Variants in ACTN2 observed in about 807,000 individuals in gnomAD.
ACTN2 encodes the protein actinin alpha 2.
ACTN2 carries 39 observed loss-of-function variants against 113.8 expected under a neutral mutation model. The observed-to-expected ratio is 0.34, with a 90% CI of 0.27 to 0.45. ACTN2 has a LOEUF of 0.45. ACTN2 is among the 20% of genes least tolerant of loss of function. The probability of loss-of-function intolerance (pLI) is 1.00; values close to 1 mark genes in which losing one functional copy is unlikely to be tolerated. For synonymous variants in ACTN2, 429 were observed against 444.1 expected (o/e 0.97, Z 0.43); for missense variants, 992 against 1,177.9 (o/e 0.84, Z 2.31).
chr1:236,743,859 G>A (rs949584397), intron 11 of ACTN2, among the ~76,000 whole-genome samples: 51 of 152,142 alleles, frequency 3.4e-4, no homozygotes, highest in South Asian at 1.4e-3. Context: ...CTTCGAAATG[G>A]GAATCACCGT....
chr1:236,689,300 GATATATATATATAT>G (rs57239117), intron 1 of ACTN2, among the ~76,000 whole-genome samples: 1,301 of 122,580 alleles, frequency 0.011, 18 homozygotes, highest in African/African-American at 0.034. Context: ...TTACAGATGT[GATATATATATATAT>G]ATATATATAT....
At chr1:236,741,981 C>G (rs1250782966) in intron 10 of ACTN2, among the ~76,000 whole-genome samples, 1 of 152,176 alleles carries the variant, frequency 6.6e-6, no homozygotes, top group African/African-American at 2.4e-5. Flanking sequence ...GCCGTCCTTC[C>G]CGCACGCACA....
At chr1:236,725,785 G>C (rs1240387150) in intron 4 of ACTN2, 148 bp from the exon 5 acceptor site, 16 of 759,306 alleles carry the variant, frequency 2.1e-5, no homozygotes, top group Non-Finnish European at 3.9e-5. Context: ...CCAAGATCAG[G>C]GTTCTGGCTC....
intron 1 of ACTN2, among the ~76,000 whole-genome samples, chr1:236,695,571 C>CCCCCA: frequency 8.2e-6 from 1 of 122,204 alleles, no homozygotes. Context: ...GTTCCCCCCC[C>CCCCCA]CTGCCCAGAT....
chr1:236,720,336 T>C, intron 4 of ACTN2, 145 bp downstream of exon 4: 1 of 713,534 alleles, frequency 1.4e-6, no homozygotes, highest in Non-Finnish European at 2.5e-6. Flanking sequence ...ATTTTGTATG[T>C]GTATAGGAAA....
intron 4 of ACTN2, among the ~76,000 whole-genome samples, chr1:236,721,709 A>T (rs566559389): frequency 7.7e-4 from 117 of 152,346 alleles, no homozygotes; most frequent in African/African-American, 2.7e-3. Flanking sequence ...CTAAATTTAA[A>T]TATTTAAACT....
chr1:236,752,672 C>T (rs1659434259), intron 15 of ACTN2, among the ~76,000 whole-genome samples: 1 of 152,098 alleles, frequency 6.6e-6, no homozygotes, highest in Admixed American at 6.5e-5. Context: ...CTGTCTCAGC[C>T]TCCCTAATAG....
chr1:236,762,566 G>A lies in ACTN2; in HGVS notation c.2632G>A (p.Ala878Thr), dbSNP rs1270659015. The A allele has an allele frequency of 1.2e-6, 2 of 1,614,054 alleles. No individual in the cohort carries two copies. The highest frequency in any genetic ancestry group is 3.3e-5 in the Admixed American group (2 of 60,006). The change falls in exon 21 of 21, where the codon GCA becomes ACA. Residue 878 changes from alanine to threonine, a missense_variant. Transcript: ENST00000366578. ...AYSGPGSVPG[A>T]LDYAAFSSAL... ...CTCGGGCCCAGGCAGTGTGCCTGGT[G>A]CACTGGATTACGCTGCGTTCTCTTC...
chr1:236,753,972 A>G lies in ACTN2; in HGVS notation c.1865A>G (p.Asp622Gly), dbSNP rs757345394. ...GTGAAGCAACTCGTGCCCATCCGCG[A>G]TCAATCCCTGCAGGAGGAGCTGGCT... ...DKVKQLVPIR[D>G]QSLQEELARQ... Residue 622 changes from aspartate (D) to glycine (G), a missense_variant, in exon 16 of 21, where the codon GAT becomes GGT. Transcript: ENST00000366578. The G allele has an allele frequency of 6.2e-7, 1 of 1,613,756 alleles. No homozygotes were observed. The highest frequency in any genetic ancestry group is 8.5e-7 in the Non-Finnish European group (1 of 1,179,982).
At chr1:236,722,395 G>C (rs1314849388) in intron 4 of ACTN2, among the ~76,000 whole-genome samples, 1 of 152,124 alleles carries the variant, frequency 6.6e-6, no homozygotes, top group East Asian at 1.9e-4. Flanking sequence ...CCAGCACTTT[G>C]GGAGGCCAAG....
intron 3 of ACTN2, among the ~76,000 whole-genome samples, chr1:236,719,680 TC>T (rs1658325328): frequency 2.0e-5 from 3 of 151,848 alleles, no homozygotes; most frequent in Admixed American, 2.0e-4. Context: ...GTCCTTGTAG[TC>T]CCAGCTACTC....
intron 1 of ACTN2, among the ~76,000 whole-genome samples, chr1:236,689,232 C>A (rs1216184969): frequency 6.8e-6 from 1 of 148,048 alleles, no homozygotes; most frequent in Non-Finnish European, 1.5e-5. Context: ...TTTATATTTT[C>A]TATAAAGAAG....
chr1:236,722,126 C>T (rs1658414066), intron 4 of ACTN2, among the ~76,000 whole-genome samples: 1 of 152,022 alleles, frequency 6.6e-6, no homozygotes, highest in South Asian at 2.1e-4. Flanking sequence ...ACAGTAGATA[C>T]TGTCAGTTTG....
chr1:236,755,492 T>C (rs1270745978), intron 17 of ACTN2, among the ~76,000 whole-genome samples: 1 of 152,186 alleles, frequency 6.6e-6, no homozygotes, highest in Non-Finnish European at 1.5e-5. Context: ...TTCTGCCAGT[T>C]AGGCCCAAAT....
At chr1:236,695,694 G>T (rs1657478379) in intron 1 of ACTN2, among the ~76,000 whole-genome samples, 1 of 151,684 alleles carries the variant, frequency 6.6e-6, no homozygotes, top group East Asian at 1.9e-4. Flanking sequence ...TTTTGAAGAT[G>T]CAGTGTGCTT....
intron 12 of ACTN2, among the ~76,000 whole-genome samples, chr1:236,745,375 A>C (rs1174368979): frequency 2.0e-5 from 3 of 152,202 alleles, no homozygotes; most frequent in African/African-American, 7.2e-5. Context: ...CGGAGCTTGC[A>C]GTGAGCCGAG....
At chr1:236,745,285 T>G (rs1400328028) in intron 12 of ACTN2, among the ~76,000 whole-genome samples, 2 of 151,686 alleles carry the variant, frequency 1.3e-5, no homozygotes, top group African/African-American at 4.8e-5. Flanking sequence ...ATGCAAAAAA[T>G]TAGCCGGGCC....
intron 7 of ACTN2, among the ~76,000 whole-genome samples, chr1:236,731,656 C>G (rs1658715398): frequency 1.3e-5 from 2 of 152,272 alleles, no homozygotes; most frequent in Admixed American, 1.3e-4. Context: ...AATGTTTTCT[C>G]CCTAACCACT....
intron 1 of ACTN2, 51 bp downstream of exon 1, chr1:236,686,850 C>T: frequency 7.5e-7 from 1 of 1,335,158 alleles, no homozygotes; most frequent in Non-Finnish European, 9.6e-7. Context: ...GGGTCCCCCG[C>T]GGGGCTCCCG....
Sources: gnomAD v4.1 joint callset for allele counts (sites outside exome capture counted in the v4.1 genomes callset) on GRCh38, gnomAD v4.1.1 for gene constraint, MANE v1.5 for transcripts, NCBI Gene and HGNC (gene_info 2026-07-23, HGNC 2026-07-21) for gene names.